Variants in NAALADL2 observed in about 807,000 individuals in gnomAD.
The protein encoded by NAALADL2 is N-acetylated alpha-linked acidic dipeptidase like 2.
Under a neutral mutation model 87.2 loss-of-function variants are expected in NAALADL2, and 76 were observed. That is an observed-to-expected ratio of 0.87 (90% CI 0.72 to 1.05). The LOEUF is 1.05. Ranked by LOEUF, NAALADL2 falls within the 50% of genes least tolerant of loss-of-function variation. The pLI, the probability that NAALADL2 is intolerant of heterozygous loss-of-function variation, is 0.00. For synonymous variants in NAALADL2, 354 were observed against 331.0 expected (o/e 1.07, Z -0.75); for missense variants, 1,089 against 945.8 (o/e 1.15, Z -1.99).
At chr3:174,758,911 C>T (rs941171498) in intron 3 of NAALADL2, among the ~76,000 whole-genome samples, 2 of 152,074 alleles carry the variant, frequency 1.3e-5, no homozygotes, top group African/African-American at 4.8e-5. Flanking sequence ...TCCTAGTGGG[C>T]CTTATCCAGA....
At chr3:174,758,394 A>C (rs1370779870) in intron 3 of NAALADL2, among the ~76,000 whole-genome samples, 1 of 152,220 alleles carries the variant, frequency 6.6e-6, no homozygotes, top group African/African-American at 2.4e-5. Context: ...CATAGAGTCA[A>C]ATAAATAGTA....
At chr3:174,554,265 T>C (rs1036147565) in intron 2 of NAALADL2, among the ~76,000 whole-genome samples, 1 of 152,148 alleles carries the variant, frequency 6.6e-6, no homozygotes, top group Admixed American at 6.5e-5. Flanking sequence ...AATGGTTTTG[T>C]AACTTGATTT....
intron 9 of NAALADL2, among the ~76,000 whole-genome samples, chr3:175,543,459 C>T (rs1323562540): frequency 6.6e-6 from 1 of 151,988 alleles, no homozygotes; most frequent in African/African-American, 2.4e-5. Context: ...TGAAGAAATA[C>T]CCAAGACTGG....
intron 2 of NAALADL2, among the ~76,000 whole-genome samples, chr3:174,657,061 G>A (rs938681110): frequency 5.9e-5 from 1 of 16,922 alleles, no homozygotes; most frequent in East Asian, 1.3e-3. Flanking sequence ...TTTTTTTTTT[G>A]CTCCGTTGCC....
chr3:174,488,336 TCA>T (rs1717984535), intron 1 of NAALADL2, among the ~76,000 whole-genome samples: 1 of 152,012 alleles, frequency 6.6e-6, no homozygotes, highest in Non-Finnish European at 1.5e-5. Context: ...TTTTTAGATC[TCA>T]GTTTTGTCAC....
rs183032345 is a variant in NAALADL2, at chr3:175,411,451, G to A, written c.1091-35778G>A. ...ATTTGAGTCAACTCTATTGATGTGC[G>A]AATTGAAGGCCTGGGTGTGGAGGAA... is the stretch of plus-strand genomic sequence containing the variant. On this transcript the variant is annotated intron_variant, in intron 5 of 13. Coordinates refer to ENST00000454872, the MANE Select transcript of NAALADL2 (RefSeq NM_207015.3). 1.8e-4 allele frequency among the ~76,000 whole-genome samples: 26 copies of A among 148,330 alleles called. No homozygotes were observed. In the East Asian group the frequency reaches 2.0e-3, roughly 12 times the overall value.
At chr3:175,201,425 A>G (rs1228625209) in intron 2 of NAALADL2, among the ~76,000 whole-genome samples, 2 of 152,198 alleles carry the variant, frequency 1.3e-5, no homozygotes, top group Non-Finnish European at 1.5e-5. Context: ...TTTTTCCCCT[A>G]TGGAAAATCA....
chr3:175,031,839 G>A lies in NAALADL2; in HGVS notation c.44-64951G>A, dbSNP rs189239442. On this transcript the variant is annotated intron_variant, in intron 1 of 13. Coordinates refer to ENST00000454872, the MANE Select transcript of NAALADL2 (RefSeq NM_207015.3). ...CTGGTGTGAGATGGTATCTCATTGC[G>A]GTTTTGATTTGCATTTATCTGATGT... Among the ~76,000 whole-genome samples, 1,064 of 151,902 alleles carry A rather than the reference G, an allele frequency of 7.0e-3. 8 individuals carry two copies. The highest frequency in any genetic ancestry group is 0.024 in the African/African-American group (1,008 of 41,452).
At chr3:174,977,098 A>G (rs1252260972) in intron 1 of NAALADL2, among the ~76,000 whole-genome samples, 2 of 152,218 alleles carry the variant, frequency 1.3e-5, no homozygotes, top group Non-Finnish European at 2.9e-5. Flanking sequence ...AAAATATGAC[A>G]TTTTGGAGGA....
At chr3:175,208,860 G>GTAAT (rs1741354875) in intron 2 of NAALADL2, among the ~76,000 whole-genome samples, 2 of 152,116 alleles carry the variant, frequency 1.3e-5, no homozygotes, top group South Asian at 4.1e-4. Context: ...ATTCCTTGAG[G>GTAAT]ATTATACGGG....
intron 2 of NAALADL2, among the ~76,000 whole-genome samples, chr3:174,685,034 T>C (rs1485435687): frequency 6.6e-6 from 1 of 152,002 alleles, no homozygotes; most frequent in Non-Finnish European, 1.5e-5. Context: ...GGGATCTTTT[T>C]TTATCTACAC....
chr3:174,872,049 C>A (rs368160288), intron 1 of NAALADL2, among the ~76,000 whole-genome samples: 44 of 152,174 alleles, frequency 2.9e-4, no homozygotes, highest in African/African-American at 1.1e-3. Context: ...TAAGGTTCTT[C>A]AAAGCTTATA....
intron 1 of NAALADL2, among the ~76,000 whole-genome samples, chr3:175,044,593 C>T (rs981121841): frequency 7.2e-5 from 11 of 152,086 alleles, no homozygotes; most frequent in African/African-American, 2.4e-5. Context: ...AATCTTCTGT[C>T]ACTTCAGGTA....
intron 1 of NAALADL2, among the ~76,000 whole-genome samples, chr3:174,476,766 A>C (rs1187304434): frequency 6.6e-6 from 1 of 152,084 alleles, no homozygotes; most frequent in African/African-American, 2.4e-5. Context: ...TTTATCCATT[A>C]CATTTATTTT....
intron 1 of NAALADL2, among the ~76,000 whole-genome samples, chr3:174,903,951 G>A (rs1347338516): frequency 1.4e-5 from 2 of 144,268 alleles, no homozygotes; most frequent in African/African-American, 5.6e-5. Context: ...GGCCAGAAAG[G>A]AATATCTATA....
At chr3:175,372,966 TG>T (rs909921504) in intron 5 of NAALADL2, among the ~76,000 whole-genome samples, 3 of 152,236 alleles carry the variant, frequency 2.0e-5, no homozygotes, top group Non-Finnish European at 4.4e-5. Flanking sequence ...ATTACGTTTG[TG>T]GCCAGACAGT....
chr3:175,608,135 T>C (rs1336279855), intron 10 of NAALADL2, among the ~76,000 whole-genome samples: 2 of 151,114 alleles, frequency 1.3e-5, no homozygotes, highest in East Asian at 4.1e-4. Context: ...TATTAATTAC[T>C]TATTTCCACT....
At chr3:175,678,724 T>A (rs915617654) in intron 11 of NAALADL2, among the ~76,000 whole-genome samples, 1 of 151,110 alleles carries the variant, frequency 6.6e-6, no homozygotes. Flanking sequence ...GGGCCTGTCG[T>A]GGGGTGGGGG....
At chr3:174,942,087 A>G (rs1187193327) in intron 1 of NAALADL2, among the ~76,000 whole-genome samples, 1 of 151,988 alleles carries the variant, frequency 6.6e-6, no homozygotes, top group African/African-American at 2.4e-5. Context: ...GTTGCTTTAT[A>G]GTGACAATGG....
Sources: allele counts gnomAD v4.1 joint callset (sites outside exome capture counted in the v4.1 genomes callset), GRCh38; gene constraint gnomAD v4.1.1; transcripts MANE v1.5; gene names NCBI Gene and HGNC (gene_info 2026-07-23, HGNC 2026-07-21).